Variants in ACOT12 observed in about 807,000 individuals in gnomAD.
ACOT12 encodes the protein acetyl-coenzyme A thioesterase.
In ACOT12, 51 loss-of-function variants were observed where a neutral mutation model predicts 67.7. That is an observed-to-expected ratio of 0.75 (90% confidence interval 0.60 to 0.95). The LOEUF (loss-of-function observed/expected upper bound fraction) is 0.95. ACOT12 is among the 40% of genes least tolerant of loss of function. The pLI is 0.00. For synonymous variants in ACOT12, 251 were observed against 244.6 expected (o/e 1.03, Z -0.24); for missense variants, 734 against 708.1 (o/e 1.04, Z -0.41).
At chr5:81,346,611 C>T (rs1759388590) in intron 6 of ACOT12, among the ~76,000 whole-genome samples, 1 of 152,086 alleles carries the variant, frequency 6.6e-6, no homozygotes, top group African/African-American at 2.4e-5. Flanking sequence ...ATTTTAGATT[C>T]CCAGTCATCA....
intron 14 of ACOT12, 34 bp downstream of exon 14, chr5:81,330,780 G>C: frequency 2.5e-6 from 4 of 1,603,884 alleles, no homozygotes; most frequent in Non-Finnish European, 2.5e-6. Flanking sequence ...ATCTGGCAGA[G>C]CCAATTAATC....
In ACOT12 at chr5:81,330,805, C is replaced by T; in HGVS notation, c.1518+9G>A. The T allele has an allele frequency of 1.9e-6, 3 of 1,611,196 alleles. No homozygotes were observed. Among genetic ancestry groups the T allele is most frequent in the Non-Finnish European group, 2.5e-6 (3 of 1,179,278 alleles). On this transcript the variant is annotated intron_variant, in intron 14 of 14. Coordinates refer to ENST00000307624, the MANE Select transcript of ACOT12 (RefSeq NM_130767.3). ...GCCAATTAATCTGCAGATGTTTCAT[C>T]AAACTTACGATGCATGAATTGCTGT...
chr5:81,359,590 T>G (rs981616963), intron 5 of ACOT12, among the ~76,000 whole-genome samples: 6 of 152,248 alleles, frequency 3.9e-5, no homozygotes, highest in African/African-American at 1.4e-4. Context: ...CGTGTCAATG[T>G]ATGGCATTGT....
At chr5:81,334,622 A>G (rs1402054428) in intron 12 of ACOT12, among the ~76,000 whole-genome samples, 1 of 152,224 alleles carries the variant, frequency 6.6e-6, no homozygotes, top group Non-Finnish European at 1.5e-5. Context: ...GTATTTCTAA[A>G]TCTCTATCAC....
chr5:81,384,233 T>C (rs1760667441), intron 2 of ACOT12, among the ~76,000 whole-genome samples: 1 of 151,384 alleles, frequency 6.6e-6, no homozygotes. Flanking sequence ...CAAGCTATTC[T>C]CCTGCCTTAG....
intron 1 of ACOT12, among the ~76,000 whole-genome samples, chr5:81,392,603 T>G (rs1278039937): frequency 6.6e-6 from 1 of 152,222 alleles, no homozygotes; most frequent in African/African-American, 2.4e-5. Context: ...GTCACTTCAG[T>G]GGTCTCATAA....
intron 5 of ACOT12, among the ~76,000 whole-genome samples, chr5:81,353,973 T>C (rs1235948039): frequency 6.6e-6 from 1 of 152,200 alleles, no homozygotes; most frequent in Non-Finnish European, 1.5e-5. Flanking sequence ...GAGCAGCAGG[T>C]GGAGAAATCA....
At chr5:81,334,826 C>A (rs1758946036) in intron 12 of ACOT12, among the ~76,000 whole-genome samples, 4 of 152,154 alleles carry the variant, frequency 2.6e-5, no homozygotes, top group Admixed American at 1.3e-4. Flanking sequence ...GGGTGCACAG[C>A]TCTGTACTGT....
At chr5:81,389,100 G>A (rs931801309) in intron 1 of ACOT12, among the ~76,000 whole-genome samples, 2 of 152,168 alleles carry the variant, frequency 1.3e-5, no homozygotes, top group African/African-American at 4.8e-5. Flanking sequence ...TGGACTAAGT[G>A]CTCTGAAGAA....
At chr5:81,341,077 T>G (rs1395331286) in intron 11 of ACOT12, among the ~76,000 whole-genome samples, 1 of 152,208 alleles carries the variant, frequency 6.6e-6, no homozygotes, top group South Asian at 2.1e-4. Flanking sequence ...ATTCCAGACA[T>G]GAATTTGTTC....
chr5:81,375,675 A>AG (rs1163434850), intron 2 of ACOT12, among the ~76,000 whole-genome samples: 1 of 151,976 alleles, frequency 6.6e-6, no homozygotes, highest in Non-Finnish European at 1.5e-5. Flanking sequence ...AAAAAAAAAA[A>AG]GCAGGGGTTG....
chr5:81,370,222 C>T (rs1413936072), intron 3 of ACOT12, among the ~76,000 whole-genome samples: 3 of 152,018 alleles, frequency 2.0e-5, no homozygotes, highest in Non-Finnish European at 2.9e-5. Context: ...TGCCGTGAGC[C>T]GAGATCTTGC....
Position 81,380,732 on chromosome 5 carries a change from G to A in ACOT12, c.197+5025C>T, listed in dbSNP as rs182884953. 3.7e-4 allele frequency among the ~76,000 whole-genome samples: 56 copies of A among 152,222 alleles called. 1 individual carries two copies. Among genetic ancestry groups the A allele is most frequent in the Middle Eastern group, 6.8e-3 (2 of 294 alleles). On this transcript the variant is annotated intron_variant, in intron 2 of 14. Coordinates refer to ENST00000307624, the MANE Select transcript of ACOT12 (RefSeq NM_130767.3). ...GAGGGCCAGTTGAAAAATGTAGTGC[G>A]TCTCCACAATGGAGTACTATGTAGA...
downstream of ACOT12, among the ~76,000 whole-genome samples, chr5:81,326,178 T>C (rs1196411619): frequency 3.6e-5 from 5 of 139,274 alleles, no homozygotes; most frequent in Non-Finnish European, 7.5e-5. Context: ...CAGGCTTGAG[T>C]GCATTGGCAT....
intron 1 of ACOT12, among the ~76,000 whole-genome samples, chr5:81,391,367 C>A (rs1760860010): frequency 6.6e-6 from 1 of 152,192 alleles, no homozygotes. Flanking sequence ...TTCTTTCAGG[C>A]TTCAAGTCAT....
chr5:81,322,468 C>CAAAAA, the ACOT12 span, among the ~76,000 whole-genome samples: 814 of 146,616 alleles, frequency 5.6e-3, 7 homozygotes, highest in African/African-American at 0.019. Context: ...AAAAAATAAA[C>CAAAAA]AAAAAAAAAA....
chr5:81,347,654 G>A, intron 6 of ACOT12, 120 bp downstream of exon 6: 1 of 1,081,712 alleles, frequency 9.2e-7, no homozygotes. Context: ...ATTATAAAAG[G>A]CAACATTTTC....
intron 2 of ACOT12, among the ~76,000 whole-genome samples, chr5:81,372,233 C>T (rs1051633549): frequency 1.3e-5 from 2 of 152,172 alleles, no homozygotes; most frequent in Admixed American, 1.3e-4. Context: ...GCAAACTGAT[C>T]AGCTTCAGTA....
chr5:81,321,216 A>T, the ACOT12 span, among the ~76,000 whole-genome samples: 1 of 152,170 alleles, frequency 6.6e-6, no homozygotes, highest in East Asian at 1.9e-4. Flanking sequence ...AGATCGCACC[A>T]CTGTACTCCA....
Sources: allele counts gnomAD v4.1 joint callset (sites outside exome capture counted in the v4.1 genomes callset), GRCh38; gene constraint gnomAD v4.1.1; transcripts MANE v1.5; gene names NCBI Gene and HGNC (gene_info 2026-07-23, HGNC 2026-07-21).